The following VSTM2B variants were observed in gnomAD, a reference collection of about 807,000 sequenced individuals.
The protein encoded by VSTM2B is V-set and transmembrane domain containing 2B.
A neutral mutation model predicts 24.0 loss-of-function variants in VSTM2B; 24 were observed. That is an observed-to-expected ratio of 1.00 (90% CI 0.72 to 1.40). The LOEUF (loss-of-function observed/expected upper bound fraction) is 1.40, where lower values mean the gene tolerates loss of function less well. Ranked by LOEUF, VSTM2B falls within the 40% of genes most tolerant of loss-of-function variation. The pLI is 0.00. For synonymous variants in VSTM2B, 226 were observed against 194.4 expected, an observed-to-expected ratio of 1.16 and a Z score of -1.35; for missense variants, 399 against 416.4, an observed-to-expected ratio of 0.96 and a Z score of 0.36.
At chr19:29,549,097 G>C (rs1970214426) in intron 4 of VSTM2B, among the ~76,000 whole-genome samples, 1 of 152,216 alleles carries the variant, frequency 6.6e-6, no homozygotes, top group African/African-American at 2.4e-5. Context: ...GGAAATACCT[G>C]AATCTCTGCT....
chr19:29,547,072 T>G (rs1401097244), intron 4 of VSTM2B, among the ~76,000 whole-genome samples: 3 of 152,222 alleles, frequency 2.0e-5, no homozygotes, highest in Non-Finnish European at 2.9e-5. Flanking sequence ...CCCTGCTGTT[T>G]ATCTCAGTGT....
At chr19:29,532,285 A>T (rs1969777580) in intron 4 of VSTM2B, among the ~76,000 whole-genome samples, 1 of 152,148 alleles carries the variant, frequency 6.6e-6, no homozygotes, top group Non-Finnish European at 1.5e-5. Flanking sequence ...TCCAACATGG[A>T]TGTAGGGCCC....
chr19:29,546,671 C>CT (rs1240241484), intron 4 of VSTM2B, among the ~76,000 whole-genome samples: 3 of 134,486 alleles, frequency 2.2e-5, no homozygotes, highest in African/African-American at 5.8e-5. Context: ...CGCTGGGGAG[C>CT]CCCCACCCCC....
At chr19:29,528,557 T>C (rs185649978) in intron 3 of VSTM2B, 95 bp downstream of exon 3, 6 of 1,457,998 alleles carry the variant, frequency 4.1e-6, no homozygotes, top group Non-Finnish European at 5.6e-6. Context: ...CGGCCGCGCA[T>C]GTGGGGCCGC....
At chr19:29,555,087 C>A (rs111235454) in intron 4 of VSTM2B, among the ~76,000 whole-genome samples, 3,715 of 152,220 alleles carry the variant, frequency 0.024, 153 homozygotes, top group African/African-American at 0.085. Flanking sequence ...GAAGTCTCCA[C>A]CCTAAAACAA....
At chr19:29,532,760 G>A (rs770765501) in intron 4 of VSTM2B, among the ~76,000 whole-genome samples, 4 of 152,326 alleles carry the variant, frequency 2.6e-5, no homozygotes, top group African/African-American at 4.8e-5. Context: ...GCACTAGCTG[G>A]AGAGGAGAGG....
At chr19:29,552,963 T>C (rs1970320589) in intron 4 of VSTM2B, among the ~76,000 whole-genome samples, 1 of 152,108 alleles carries the variant, frequency 6.6e-6, no homozygotes, top group South Asian at 2.1e-4. Flanking sequence ...AGCTCTGATC[T>C]CCCTGGGACT....
Position 29,527,320 on chromosome 19 carries a change from G to A in VSTM2B, c.192G>A (p.Gln64=), listed in dbSNP as rs1969604980. ...CCACCTCGTATTCGCTGGAGATTCA[G>A]TGGTGGTACCTCAAGGAGCCACCCC... The part of the protein sequence containing the change: ...SGATSYSLEI[Q]WWYLKEPPRE... Residue 64 remains glutamine, a synonymous_variant, in exon 2 of 5, where the codon CAG becomes CAA. Coordinates refer to ENST00000335523, the MANE Select transcript of VSTM2B (RefSeq NM_001146339.2). 6.5e-7 allele frequency: 1 copy of A among 1,550,042 alleles called. No individual in the cohort carries two copies. Among genetic ancestry groups the A allele is most frequent in the South Asian group, 1.2e-5 (1 of 83,956 alleles).
At chr19:29,542,024 G>A (rs1970031719) in intron 4 of VSTM2B, among the ~76,000 whole-genome samples, 1 of 150,550 alleles carries the variant, frequency 6.6e-6, no homozygotes, top group Non-Finnish European at 1.5e-5. Flanking sequence ...ATGGTGAGTA[G>A]ATGGTAGATG....
rs1339080157 is a variant in VSTM2B at position 29,526,350 on chromosome 19, G to A, written c.-234G>A. On this transcript the variant is annotated 5_prime_UTR_variant, in exon 1 of 5. Coordinates refer to ENST00000335523, the MANE Select transcript of VSTM2B (RefSeq NM_001146339.2). This position sits in a 1 kb window ranked among gnomAD's most constrained non-coding sequence, Gnocchi z 4.1. Reference sequence around the variant, plus strand: ...ACTGACCGATCGCCAGCAGCCTCCCGGTGGGACCGCGTCTCCTGCACACCC... The same window carrying A: ...ACTGACCGATCGCCAGCAGCCTCCCAGTGGGACCGCGTCTCCTGCACACCC... 6 of 183,102 alleles carry A rather than the reference G, an allele frequency of 3.3e-5. No individual in the cohort carries two copies. Among genetic ancestry groups the A allele is most frequent in the Non-Finnish European group, 6.7e-5 (6 of 89,560 alleles). The allele number at this position is 183,102 out of a possible 1,614,324, so 11.3% of individuals were successfully genotyped here. A position where few individuals can be genotyped will look rare whatever the true frequency, so the allele number is the denominator to read the frequency against.
At chr19:29,534,211 A>G (rs1969830604) in intron 4 of VSTM2B, among the ~76,000 whole-genome samples, 1 of 152,202 alleles carries the variant, frequency 6.6e-6, no homozygotes, top group Admixed American at 6.5e-5. Flanking sequence ...GGTAGCACCC[A>G]GAGAGTAGGA....
In VSTM2B at chr19:29,540,602, C is replaced by T. The variant is rs142606784; in HGVS notation, c.769+10312C>T. On this transcript the variant is annotated intron_variant, in intron 4 of 4. Coordinates refer to ENST00000335523, the MANE Select transcript of VSTM2B (RefSeq NM_001146339.2). ...AGACAGCAGGCCTGGTTCATTCTCA[C>T]TGCTGTTTCCCCACTGTCCTATATT... Among the ~76,000 whole-genome samples, 6 of 152,362 alleles carry T rather than the reference C, an allele frequency of 3.9e-5. No homozygotes were observed. The East Asian group carries it at 9.6e-4, about 24-fold the overall frequency.
intron 2 of VSTM2B, among the ~76,000 whole-genome samples, chr19:29,527,894 G>T (rs535894554): frequency 6.6e-5 from 10 of 152,266 alleles, no homozygotes; most frequent in Non-Finnish European, 1.0e-4. Flanking sequence ...GGCCCACGCT[G>T]CCTGTCTGCC....
Position 29,526,318 on chromosome 19 carries a change from G to A in VSTM2B, c.-266G>A, listed in dbSNP as rs977038779. Among the ~76,000 whole-genome samples the A allele has an allele frequency of 5.9e-5, 9 of 151,862 alleles. No individual in the cohort carries two copies. The highest frequency in any genetic ancestry group is 3.3e-4 in the Admixed American group (5 of 15,256). On this transcript the variant is annotated 5_prime_UTR_variant, in exon 1 of 5. Coordinates refer to ENST00000335523, the MANE Select transcript of VSTM2B (RefSeq NM_001146339.2). This position sits in a 1 kb window ranked among gnomAD's most constrained non-coding sequence, Gnocchi z 4.1. ...ACCGTCCTGTGGACGACCGGACAGA[G>A]AGAGGCACTGACCGATCGCCAGCAG...
chr19:29,529,766 A>C (rs1451076975), intron 3 of VSTM2B, 53 bp from the exon 4 acceptor site: 11 of 1,517,622 alleles, frequency 7.2e-6, no homozygotes, highest in African/African-American at 1.4e-5. Flanking sequence ...GGGTGGCCAG[A>C]AGAGTAGGTT....
In VSTM2B at chr19:29,530,167, C is replaced by A; in HGVS notation, c.646C>A (p.Pro216Thr). The stretch of plus-strand genomic sequence containing the variant: ...TCCCGCCGCCATCGATCCCGCAGTC[C>A]CCGAGGCCGCGGCAGCCTCGGCGGC... ...SPPAAIDPAV[P>T]EAAAASAAHT... Residue 216 changes from proline to threonine, a missense_variant, in exon 4 of 5, where the codon CCC becomes ACC. Physicochemically the swap from Pro to Thr is conservative, Grantham distance 38. Coordinates refer to ENST00000335523, the MANE Select transcript of VSTM2B (RefSeq NM_001146339.2). 6.7e-7 allele frequency: 1 copy of A among 1,488,032 alleles called. No homozygotes were observed. Among genetic ancestry groups the A allele is most frequent in the Non-Finnish European group, 8.9e-7 (1 of 1,126,386 alleles). 92.2% of individuals were successfully genotyped at this position (1,488,032 alleles called of 1,614,324 possible). A position where few individuals can be genotyped will look rare whatever the true frequency, so the allele number is the denominator to read the frequency against.
chr19:29,543,972 C>A (rs1471554084), intron 4 of VSTM2B, among the ~76,000 whole-genome samples: 3 of 152,094 alleles, frequency 2.0e-5, no homozygotes, highest in Non-Finnish European at 4.4e-5. Flanking sequence ...CCAGGAGCCC[C>A]ACCCCAACTT....
intron 4 of VSTM2B, among the ~76,000 whole-genome samples, chr19:29,552,286 G>A (rs931515546): frequency 6.6e-6 from 1 of 152,184 alleles, no homozygotes; most frequent in African/African-American, 2.4e-5. Flanking sequence ...GGTAGTAAAA[G>A]GTTGCAAATC....
intron 4 of VSTM2B, among the ~76,000 whole-genome samples, chr19:29,531,823 ATTCC>A (rs1309631816): frequency 6.6e-6 from 1 of 152,244 alleles, no homozygotes; most frequent in East Asian, 1.9e-4. Flanking sequence ...CAAATTTAAT[ATTCC>A]TCGTTCATAT....
Sources: allele counts gnomAD v4.1 joint callset (sites outside exome capture counted in the v4.1 genomes callset), GRCh38; gene constraint gnomAD v4.1.1; non-coding constraint Gnocchi (gnomAD v3.1); transcripts MANE v1.5; gene names NCBI Gene and HGNC (gene_info 2026-07-23, HGNC 2026-07-21).